Variants in USP24 observed in about 807,000 individuals in gnomAD.
The protein encoded by USP24 is ubiquitin specific peptidase 24, also known as ubiquitin carboxyl-terminal hydrolase 24.
Under a neutral mutation model 361.6 loss-of-function variants are expected in USP24, and 97 were observed. That is an observed-to-expected ratio of 0.27 (90% CI 0.23 to 0.32). The LOEUF is 0.32. USP24 is among the 10% of genes least tolerant of loss of function. The probability of loss-of-function intolerance (pLI) is 1.00; values close to 1 mark genes in which losing one functional copy is unlikely to be tolerated. For synonymous variants in USP24, 1,098 were observed against 1,124.6 expected, an observed-to-expected ratio of 0.98 and a Z score of 0.47; for missense variants, 2,353 against 3,165.6, an observed-to-expected ratio of 0.74 and a Z score of 6.16.
chr1:55,160,473 A>G (rs1648158371), intron 8 of USP24, among the ~76,000 whole-genome samples: 1 of 152,214 alleles, frequency 6.6e-6, no homozygotes, highest in Non-Finnish European at 1.5e-5. Flanking sequence ...TATTACTATT[A>G]TGGCCATTCC....
intron 59 of USP24, among the ~76,000 whole-genome samples, 152 bp from the exon 60 acceptor site, chr1:55,079,811 G>GTACTCACACACTGAA (rs1557531541): frequency 6.7e-5 from 10 of 149,192 alleles, no homozygotes; most frequent in Admixed American, 1.3e-4. Context: ...CACACACTGA[G>GTACTCACACACTGAA]TACTCGCAGA....
chr1:55,115,365 G>A (rs905135292), intron 38 of USP24, among the ~76,000 whole-genome samples: 14 of 150,920 alleles, frequency 9.3e-5, no homozygotes, highest in East Asian at 7.8e-4. Flanking sequence ...GCGTAGTGGC[G>A]GGCGCCTGTA....
intron 63 of USP24, among the ~76,000 whole-genome samples, chr1:55,074,867 A>G (rs1347081490): frequency 6.6e-6 from 1 of 152,126 alleles, no homozygotes; most frequent in African/African-American, 2.4e-5. Context: ...CTTAATACAT[A>G]GCAAAATCTA....
chr1:55,213,260 G>A (rs1644892188), intron 1 of USP24, among the ~76,000 whole-genome samples: 1 of 152,076 alleles, frequency 6.6e-6, no homozygotes, highest in African/African-American at 2.4e-5. Flanking sequence ...AATTATATGG[G>A]AATTTAAAAA....
intron 3 of USP24, among the ~76,000 whole-genome samples, chr1:55,175,094 G>A (rs1210222480): frequency 6.6e-6 from 1 of 151,744 alleles, no homozygotes; most frequent in African/African-American, 2.4e-5. Flanking sequence ...AAAAAATGAA[G>A]CTACTTTTGC....
intron 1 of USP24, among the ~76,000 whole-genome samples, chr1:55,181,041 A>G (rs933430003): frequency 6.6e-6 from 1 of 150,536 alleles, no homozygotes; most frequent in African/African-American, 2.4e-5. Flanking sequence ...TAATACGCAC[A>G]CTAGTTTGTA....
chr1:55,199,588 A>AGTGTGT (rs55710750), intron 1 of USP24, among the ~76,000 whole-genome samples: 4 of 146,386 alleles, frequency 2.7e-5, no homozygotes, highest in African/African-American at 1.0e-4. Flanking sequence ...GTTCAGAAAA[A>AGTGTGT]GTGTGTGTGT....
chr1:55,081,417 C>T lies in USP24; in HGVS notation c.6983G>A (p.Arg2328Gln), dbSNP rs370609533. 118 of 1,613,378 alleles carry T rather than the reference C, an allele frequency of 7.3e-5. No individual in the cohort carries two copies. Among genetic ancestry groups the T allele is most frequent in the Non-Finnish European group, 1.9e-5 (22 of 1,179,612 alleles). ...GASRQNNQIR[R>Q]WSSAQAREFG... ...TTCTCGTGCTTGTGCTGAACTCCATCGACGTATCTGTCATCAGGGAAGATA... is the reference window on the plus strand; with the variant it reads ...TTCTCGTGCTTGTGCTGAACTCCATTGACGTATCTGTCATCAGGGAAGATA... Residue 2328 changes from arginine (R) to glutamine (Q), a missense_variant, in exon 59 of 68, where the codon CGA becomes CAA. Around this residue, in one of 8 missense-constraint regions of USP24, gnomAD observed 598 missense variants for 761.9 expected, o/e 0.78. Coordinates refer to ENST00000294383, the MANE Select transcript of USP24 (RefSeq NM_015306.3).
intron 39 of USP24, among the ~76,000 whole-genome samples, chr1:55,108,764 C>G (rs1009029559): frequency 1.3e-5 from 2 of 152,216 alleles, no homozygotes; most frequent in African/African-American, 2.4e-5. Flanking sequence ...GATTCCTGTC[C>G]TTGCTGCAGA....
chr1:55,073,439 AC>A (rs1383559289), intron 64 of USP24, among the ~76,000 whole-genome samples: 1 of 152,200 alleles, frequency 6.6e-6, no homozygotes, highest in Non-Finnish European at 1.5e-5. Context: ...CTCAGGAGCT[AC>A]AGGTGACATG....
rs758431527 is a variant in USP24, at chr1:55,083,756, G to GAA, written c.6882+14_6882+15dup. 1 of 1,539,794 alleles carries GAA rather than the reference G, an allele frequency of 6.5e-7. No individual in the cohort carries two copies. The highest frequency in any genetic ancestry group is 1.4e-5 in the African/African-American group (1 of 72,088). On this transcript the variant is annotated intron_variant, in intron 57 of 67. Coordinates refer to ENST00000294383, the MANE Select transcript of USP24 (RefSeq NM_015306.3). Reference sequence around the variant, plus strand: ...CTTCTGTATTAGGAAAAGATATTAGGAAAAAAATTATTTACCTTTTGTACA... The same window carrying GAA: ...CTTCTGTATTAGGAAAAGATATTAGGAAAAAAAAATTATTTACCTTTTGTACA...
At chr1:55,116,920 T>A (rs1646132235) in intron 38 of USP24, among the ~76,000 whole-genome samples, 1 of 152,164 alleles carries the variant, frequency 6.6e-6, no homozygotes, top group Non-Finnish European at 1.5e-5. Flanking sequence ...ATATCCCTTA[T>A]GAATGCTAAT....
chr1:55,152,304 A>T (rs2100733693), intron 16 of USP24, among the ~76,000 whole-genome samples: 1 of 152,340 alleles, frequency 6.6e-6, no homozygotes, highest in South Asian at 2.1e-4. Flanking sequence ...ATAAAACAAC[A>T]GACATAAATG....
intron 34 of USP24, 91 bp from the exon 35 acceptor site, chr1:55,124,719 GCCTCCTTT>G: frequency 7.1e-7 from 1 of 1,405,704 alleles, no homozygotes; most frequent in Non-Finnish European, 9.7e-7. Flanking sequence ...AGTTTCATAC[GCCTCCTTT>G]CCCTCCAAGG....
chr1:55,141,847 T>C lies in USP24; in HGVS notation c.2635-116A>G, dbSNP rs1040808246. 15 of 895,204 alleles carry C rather than the reference T, an allele frequency of 1.7e-5. No homozygotes were observed. In the East Asian group the frequency reaches 4.0e-4, roughly 24 times the overall value. The allele number at this position is 895,204 out of a possible 1,614,324, so 55.5% of individuals were successfully genotyped here. A position where few individuals can be genotyped will look rare whatever the true frequency, so the allele number is the denominator to read the frequency against. On this transcript the variant is annotated intron_variant, in intron 23 of 67. Transcript: ENST00000294383. ...GCTGTCCTGGGCATTCACTGTAGGA[T>C]GTTTAACAGGATCCCTGGCCTCTAC...
Position 55,078,635 on chromosome 1 carries a change from C to A in USP24, c.7217G>T (p.Arg2406Leu). 1.2e-6 allele frequency: 2 copies of A among 1,607,456 alleles called. No individual in the cohort carries two copies. Among genetic ancestry groups the A allele is most frequent in the South Asian group, 1.1e-5 (1 of 90,100 alleles). Residue 2406 changes from arginine (R) to leucine (L), a missense_variant, in exon 61 of 68, where the codon CGG (arginine) becomes CTG (leucine). Arg to Leu is a moderately radical substitution (Grantham distance 102). This residue lies in a region of USP24 where 598 missense variants were observed against 761.9 expected (regional missense o/e 0.78). Transcript: ENST00000294383. Reference protein sequence around the residue: ...PYLLEVMFALRELTGSLLALI... With the variant: ...PYLLEVMFALLELTGSLLALI... ...TGCCAAGAGCGAGCCTGTCAGCTCC[C>A]GCAAAGCAAACATTACCTGGTGGGA...
intron 35 of USP24, 114 bp downstream of exon 35, chr1:55,124,355 C>CA: frequency 7.9e-7 from 1 of 1,264,566 alleles, no homozygotes; most frequent in Non-Finnish European, 1.1e-6. Flanking sequence ...TACTCATGCT[C>CA]ACAAGCAAGA....
intron 45 of USP24, among the ~76,000 whole-genome samples, chr1:55,099,208 T>C (rs547209197): frequency 9.2e-5 from 14 of 152,310 alleles, no homozygotes; most frequent in Admixed American, 9.1e-4. Context: ...GTTATTACTA[T>C]GTAGTAGAGA....
chr1:55,143,239 G>T (rs531444411), intron 21 of USP24, 120 bp from the exon 22 acceptor site: 16 of 703,514 alleles, frequency 2.3e-5, no homozygotes, highest in Non-Finnish European at 3.2e-5. Flanking sequence ...ATGAATTAAG[G>T]CTGCAAAACC....
Sources: gnomAD v4.1 joint callset for allele counts (sites outside exome capture counted in the v4.1 genomes callset) on GRCh38, gnomAD v4.1.1 for gene constraint, gnomAD v4.1.1 regional missense constraint, MANE v1.5 for transcripts, NCBI Gene and HGNC (gene_info 2026-07-23, HGNC 2026-07-21) for gene names.